Variants in CFAP69 observed in about 807,000 individuals in gnomAD.
CFAP69 encodes cilia- and flagella-associated protein 69.
Under a neutral mutation model 123.0 loss-of-function variants are expected in CFAP69, and 92 were observed. That is an observed-to-expected ratio of 0.75 (90% CI 0.63 to 0.89). The LOEUF (loss-of-function observed/expected upper bound fraction) is 0.89. Ranked by LOEUF, CFAP69 falls within the 40% of genes least tolerant of loss-of-function variation. CFAP69 has a pLI of 0.00. For missense variants in CFAP69, 1,067 were observed against 1,096.9 expected (o/e 0.97, Z 0.39); for synonymous variants, 380 against 364.3 (o/e 1.04, Z -0.49).
intron 14 of CFAP69, 51 bp downstream of exon 14, chr7:90,286,450 A>T (rs1189529352): frequency 6.4e-7 from 1 of 1,562,980 alleles, no homozygotes; most frequent in South Asian, 1.2e-5. Context: ...ACCTAACACT[A>T]TAAACTATTT....
rs1292325705 is a variant in CFAP69 at position 90,245,415 on chromosome 7, G to T, written c.-10G>T. The stretch of plus-strand genomic sequence containing the variant: ...AGATCCCCCCACTCTCCACCCCGCC[G>T]CCACCGGCCATGTGGACAGAGGAAG... On this transcript the variant is annotated 5_prime_UTR_variant, in exon 1 of 23. Transcript: ENST00000389297. 3.2e-6 allele frequency: 5 copies of T among 1,539,548 alleles called. No homozygotes were observed. Among genetic ancestry groups the T allele is most frequent in the Non-Finnish European group, 4.4e-6 (5 of 1,144,774 alleles).
intron 15 of CFAP69, among the ~76,000 whole-genome samples, chr7:90,292,964 ATTGT>A (rs1791426025): frequency 6.6e-6 from 1 of 152,210 alleles, no homozygotes; most frequent in African/African-American, 2.4e-5. Context: ...AAACAAAACA[ATTGT>A]TTGTGGATGA....
At chr7:90,319,143 C>A in the CFAP69 span, 2 of 368,958 alleles carry the variant, frequency 5.4e-6, no homozygotes, top group Non-Finnish European at 9.6e-6. Context: ...GTATTATATT[C>A]CAAGATCATT....
chr7:90,246,907 A>G (rs745856801), intron 1 of CFAP69, among the ~76,000 whole-genome samples: 1 of 151,972 alleles, frequency 6.6e-6, no homozygotes, highest in Non-Finnish European at 1.5e-5. Flanking sequence ...ACCTGTGTAT[A>G]TGTGTGTGCA....
chr7:90,263,316 A>G (rs1232375431), intron 4 of CFAP69, among the ~76,000 whole-genome samples: 1 of 152,122 alleles, frequency 6.6e-6, no homozygotes, highest in Non-Finnish European at 1.5e-5. Flanking sequence ...TCTATGCCTC[A>G]CCCTCACTTG....
chr7:90,249,184 T>C, intron 1 of CFAP69, among the ~76,000 whole-genome samples: 1 of 152,194 alleles, frequency 6.6e-6, no homozygotes, highest in East Asian at 1.9e-4. Flanking sequence ...TCCCCCATGC[T>C]GTTCTCATGA....
intron 19 of CFAP69, among the ~76,000 whole-genome samples, chr7:90,306,260 T>C (rs533961773): frequency 6.6e-6 from 1 of 152,278 alleles, no homozygotes; most frequent in African/African-American, 2.4e-5. Flanking sequence ...TTTTCTTTAA[T>C]TTTATGGGTC....
chr7:90,258,271 T>A, intron 3 of CFAP69, 108 bp downstream of exon 3: 1 of 832,934 alleles, frequency 1.2e-6, no homozygotes, highest in Non-Finnish European at 1.8e-6. Context: ...TACCATAAAT[T>A]TGATGGCTTA....
chr7:90,280,705 G>T (rs1251512134), intron 12 of CFAP69, among the ~76,000 whole-genome samples: 6 of 152,140 alleles, frequency 3.9e-5, no homozygotes, highest in Non-Finnish European at 8.8e-5. Context: ...CAATTTATTT[G>T]TATTTTGTTT....
chr7:90,314,864 T>TCC (rs201987404), downstream of CFAP69, among the ~76,000 whole-genome samples: 33 of 149,632 alleles, frequency 2.2e-4, no homozygotes, highest in African/African-American at 7.3e-4. Flanking sequence ...ATGCTATCGC[T>TCC]CCCCCCCCTG....
chr7:90,288,877 A>G (rs1790686541), intron 15 of CFAP69, among the ~76,000 whole-genome samples: 1 of 137,856 alleles, frequency 7.3e-6, no homozygotes, highest in Non-Finnish European at 1.5e-5. Flanking sequence ...ACCTTAGATT[A>G]CTGTAATTTT....
Position 90,245,526 on chromosome 7 carries a change from G to C in CFAP69, c.102G>C (p.Thr34=). 1 of 1,516,336 alleles carries C rather than the reference G, an allele frequency of 6.6e-7. No homozygotes were observed. The highest frequency in any genetic ancestry group is 2.3e-5 in the Admixed American group (1 of 43,902). The allele number at this position is 1,516,336 out of a possible 1,614,324, so 93.9% of individuals were successfully genotyped here. The change falls in exon 1 of 23, where the codon ACG becomes ACC. Residue 34 remains threonine, a synonymous_variant. Coordinates refer to ENST00000389297, the MANE Select transcript of CFAP69 (RefSeq NM_001039706.3). Reference sequence around the variant, plus strand: ...AAATCCCGGTGGTTGGGGTGGTGACGGAGGACGATGAGGCGCAGGTATGAG... The same window carrying C: ...AAATCCCGGTGGTTGGGGTGGTGACCGAGGACGATGAGGCGCAGGTATGAG... The part of the protein sequence containing the change: ...SSQIPVVGVV[T]EDDEAQDVFK...
chr7:90,321,984 C>G, the CFAP69 span, among the ~76,000 whole-genome samples: 1 of 152,158 alleles, frequency 6.6e-6, no homozygotes, highest in Non-Finnish European at 1.5e-5. Context: ...TGCCTTATCC[C>G]CATTTCCCCT....
At chr7:90,269,337 A>G (rs1799627761) in intron 6 of CFAP69, among the ~76,000 whole-genome samples, 1 of 152,146 alleles carries the variant, frequency 6.6e-6, no homozygotes, top group Non-Finnish European at 1.5e-5. Flanking sequence ...AGAATGGTTG[A>G]GTTTGCCAAG....
At position 90,271,829 on chromosome 7, in the gene CFAP69, G is replaced by A. The variant is rs1799996257; in HGVS notation, c.731G>A (p.Cys244Tyr). The change falls in exon 8 of 23, where the codon TGT becomes TAT. Residue 244 changes from cysteine to tyrosine, a missense_variant. Physicochemically the swap from Cys to Tyr is radical, Grantham distance 194. Transcript: ENST00000389297. ...AAAGCACAAGCAGCCAGTGGAATCT[G>A]TACTCACCTCAATGACCCAGATCCC... ...MMKAQAASGI[C>Y]THLNDPDPSG... 1.3e-6 allele frequency: 2 copies of A among 1,598,948 alleles called. No individual in the cohort carries two copies. The highest frequency in any genetic ancestry group is 1.1e-5 in the South Asian group (1 of 89,510).
In CFAP69 at chr7:90,307,937, A is replaced by AT. The variant is rs550496004; in HGVS notation, c.2550+89dup. On this transcript the variant is annotated intron_variant, in intron 21 of 22. Transcript: ENST00000389297. The stretch of plus-strand genomic sequence containing the variant: ...CTTTTTCAGGAACAAATATTCATTC[A>AT]TTTTTTCCTAGTGACCTTTCCGTAC... 1,670 of 848,062 alleles carry AT rather than the reference A, an allele frequency of 2.0e-3. 15 individuals are homozygous for AT. The African/African-American group carries it at 0.026, about 13-fold the overall frequency. 52.5% of individuals were successfully genotyped at this position (848,062 alleles called of 1,614,324 possible).
At chr7:90,263,394 C>T (rs568025654) in intron 4 of CFAP69, among the ~76,000 whole-genome samples, 54 of 152,192 alleles carry the variant, frequency 3.5e-4, no homozygotes, top group African/African-American at 1.2e-3. Context: ...CAAGCCTTTC[C>T]GTTTTGGCCT....
chr7:90,295,260 A>C (rs954386925), intron 15 of CFAP69, among the ~76,000 whole-genome samples: 3 of 152,200 alleles, frequency 2.0e-5, no homozygotes, highest in African/African-American at 7.2e-5. Context: ...AAATCTTAGA[A>C]GGGATTCTAA....
intron 5 of CFAP69, chr7:90,266,020 C>T (rs1799112736): frequency 6.6e-6 from 1 of 152,050 alleles, no homozygotes; most frequent in Admixed American, 6.6e-5. Flanking sequence ...ACAAATCCTA[C>T]ATTAAATCTA....
Sources: gnomAD v4.1 joint callset for allele counts (sites outside exome capture counted in the v4.1 genomes callset) on GRCh38, gnomAD v4.1.1 for gene constraint, MANE v1.5 for transcripts, NCBI Gene and HGNC (gene_info 2026-07-23, HGNC 2026-07-21) for gene names.